Variants in DST observed in about 807,000 individuals in gnomAD.
DST encodes bullous pemphigoid antigen.
A neutral mutation model predicts 875.2 loss-of-function variants in DST; 253 were observed. The observed-to-expected ratio is 0.29, with a 90% confidence interval of 0.26 to 0.32. The LOEUF is 0.32. DST is among the 10% of genes least tolerant of loss of function. The pLI, the probability that DST is intolerant of heterozygous loss-of-function variation, is 1.00. For synonymous variants in DST, 3,124 were observed against 3,197.1 expected (o/e 0.98, Z 0.77); for missense variants, 8,287 against 9,111.6 (o/e 0.91, Z 3.68).
intron 3 of DST, among the ~76,000 whole-genome samples, chr6:56,855,594 A>T (rs955915404): frequency 6.6e-6 from 1 of 152,228 alleles, no homozygotes; most frequent in Non-Finnish European, 1.5e-5. Context: ...TTCATACCAC[A>T]TTGTTTATTG....
In DST at chr6:56,843,107, C is replaced by T. The variant is rs1190051848; in HGVS notation, c.625+8290G>A. On this transcript the variant is annotated intron_variant, in intron 4 of 103. Coordinates refer to ENST00000680361, the MANE Select transcript of DST (RefSeq NM_001374736.1). ...AGGCCTGGAGATACTCCTGCTCCTC[C>T]ACGTACAGGTAAGCAGCAGGGGAGA... The T allele has an allele frequency of 2.5e-6, 4 of 1,573,660 alleles. No homozygotes were observed. The African/African-American group carries it at 5.4e-5, about 21-fold the overall frequency.
intron 3 of DST, among the ~76,000 whole-genome samples, chr6:56,878,149 C>T (rs1344923154): frequency 6.6e-6 from 1 of 152,208 alleles, no homozygotes; most frequent in Non-Finnish European, 1.5e-5. Flanking sequence ...GAGCCCATCA[C>T]CACTCTAAGA....
intron 49 of DST, among the ~76,000 whole-genome samples, chr6:56,581,531 C>G (rs547021013): frequency 6.6e-6 from 1 of 152,146 alleles, no homozygotes; most frequent in South Asian, 2.1e-4. Context: ...AGATGTGGCT[C>G]AACAATGGGA....
chr6:56,779,719 ATTCT>A (rs1195045773), intron 4 of DST, among the ~76,000 whole-genome samples: 4 of 145,436 alleles, frequency 2.8e-5, no homozygotes, highest in African/African-American at 9.9e-5. Flanking sequence ...AGTCTTCCTT[ATTCT>A]TTTTTTTTTT....
At chr6:56,543,069 C>A (rs1482831299) in intron 61 of DST, among the ~76,000 whole-genome samples, 1 of 152,192 alleles carries the variant, frequency 6.6e-6, no homozygotes, top group Non-Finnish European at 1.5e-5. Context: ...CCGACTACTT[C>A]AAAATGGGAG....
intron 4 of DST, among the ~76,000 whole-genome samples, chr6:56,850,835 G>T (rs1220179425): frequency 6.6e-6 from 1 of 152,206 alleles, no homozygotes; most frequent in African/African-American, 2.4e-5. Flanking sequence ...AATCAGGAAG[G>T]CGTGATGGCC....
At chr6:56,474,052 C>A in intron 92 of DST, 50 bp from the exon 93 acceptor site, 2 of 1,501,914 alleles carry the variant, frequency 1.3e-6, no homozygotes, top group Admixed American at 2.1e-5. Flanking sequence ...TACAGAAAAC[C>A]GTCTTTAGAA....
Position 56,600,100 on chromosome 6 carries a change from A to G in DST, c.11663T>C (p.Val3888Ala), listed in dbSNP as rs369831845. Residue 3888 changes from valine to alanine, a missense_variant, in exon 45 of 104, where the codon GTT (valine) becomes GCT (alanine). Val to Ala is a moderately conservative substitution (Grantham distance 64). Around this residue, in one of 10 missense-constraint regions of DST, gnomAD observed 3,138 missense variants for 3,116.6 expected, o/e 1.01. Coordinates refer to ENST00000680361, the MANE Select transcript of DST (RefSeq NM_001374736.1). ...CTTGGACTGATATTTCTTTAACTCA[A>G]CTGTGCCATCTCCAATCATGAAGGC... The part of the protein sequence containing the change: ...QEAFMIGDGT[V>A]ELKKYQSKQE... 19 of 1,612,720 alleles carry G rather than the reference A, an allele frequency of 1.2e-5. No individual in the cohort carries two copies. In the East Asian group the frequency reaches 3.6e-4, roughly 30 times the overall value.
chr6:56,945,494 T>G (rs1167605382), intron 2 of DST, among the ~76,000 whole-genome samples: 1 of 152,176 alleles, frequency 6.6e-6, no homozygotes, highest in Admixed American at 6.5e-5. Flanking sequence ...GGTAAAAGAC[T>G]GATGATTCAG....
intron 2 of DST, among the ~76,000 whole-genome samples, chr6:56,938,930 C>T (rs1444236384): frequency 6.6e-6 from 1 of 152,264 alleles, no homozygotes; most frequent in Non-Finnish European, 1.5e-5. Flanking sequence ...AAGTGCCCAA[C>T]TGGGCACAGC....
At chr6:56,514,030 T>C (rs1445463980) in intron 72 of DST, among the ~76,000 whole-genome samples, 1 of 152,224 alleles carries the variant, frequency 6.6e-6, no homozygotes, top group Non-Finnish European at 1.5e-5. Context: ...TTAAACAATT[T>C]GAAGATGTGG....
intron 85 of DST, among the ~76,000 whole-genome samples, 170 bp from the exon 86 acceptor site, chr6:56,489,779 A>G (rs977512080): frequency 4.6e-5 from 7 of 152,172 alleles, no homozygotes; most frequent in Non-Finnish European, 2.9e-5. Context: ...ATTACAAAAA[A>G]AGTCTTGATA....
intron 59 of DST, 123 bp from the exon 60 acceptor site, chr6:56,555,963 T>A: frequency 1.0e-6 from 1 of 1,004,650 alleles, no homozygotes. Context: ...TAGTTATCAC[T>A]TTCCTACTTT....
intron 52 of DST, 118 bp from the exon 53 acceptor site, chr6:56,572,384 G>T: frequency 3.3e-6 from 2 of 599,330 alleles, no homozygotes; most frequent in Non-Finnish European, 5.3e-6. Flanking sequence ...ATAAGAATGA[G>T]TCTGCCTATG....
intron 5 of DST, among the ~76,000 whole-genome samples, chr6:56,706,996 T>C (rs1242447840): frequency 6.6e-6 from 1 of 152,026 alleles, no homozygotes. Context: ...CAGAGTGAGA[T>C]TCTGTCTCAA....
intron 61 of DST, chr6:56,542,465 A>G (rs968654521): frequency 6.7e-6 from 1 of 149,796 alleles, no homozygotes; most frequent in African/African-American, 2.5e-5. Flanking sequence ...AGCCATTTCC[A>G]AAGATTCTTA....
At chr6:56,528,494 C>T (rs1314860031) in intron 67 of DST, among the ~76,000 whole-genome samples, 1 of 152,206 alleles carries the variant, frequency 6.6e-6, no homozygotes, top group Non-Finnish European at 1.5e-5. Flanking sequence ...GCAATGCGAT[C>T]TATCTTAAAA....
At chr6:56,635,270 C>A (rs565446859) in intron 24 of DST, among the ~76,000 whole-genome samples, 1 of 152,236 alleles carries the variant, frequency 6.6e-6, no homozygotes, top group Admixed American at 6.5e-5. Flanking sequence ...TTGTTCACTG[C>A]TGTAGCTCTA....
At chr6:56,682,169 A>T (rs1376450814) in intron 9 of DST, among the ~76,000 whole-genome samples, 5 of 152,098 alleles carry the variant, frequency 3.3e-5, no homozygotes, top group Admixed American at 2.6e-4. Flanking sequence ...CTTTTATTTT[A>T]CTTCTTCGTA....
Sources: gnomAD v4.1 joint callset for allele counts (sites outside exome capture counted in the v4.1 genomes callset) on GRCh38, gnomAD v4.1.1 for gene constraint, gnomAD v4.1.1 regional missense constraint, MANE v1.5 for transcripts, NCBI Gene and HGNC (gene_info 2026-07-23, HGNC 2026-07-21) for gene names.